The following PRKAG3 variants were observed in gnomAD, a reference collection of about 807,000 sequenced individuals.
PRKAG3 encodes the protein 5'-AMP-activated protein kinase subunit gamma-3.
PRKAG3 carries 39 observed loss-of-function variants against 56.5 expected under a neutral mutation model. That is an observed-to-expected ratio of 0.69 (90% CI 0.53 to 0.90). The LOEUF is 0.90. Among genes scored for constraint, PRKAG3 ranks in the 40% least tolerant of loss-of-function variants. PRKAG3 has a pLI of 0.00. For missense variants in PRKAG3, 628 were observed against 627.5 expected (o/e 1.00, Z -0.01); for synonymous variants, 243 against 250.1 (o/e 0.97, Z 0.27).
intron 12 of PRKAG3, 49 bp from the exon 13 acceptor site, chr2:218,823,927 C>A (rs757995488): frequency 1.0e-5 from 16 of 1,559,174 alleles, no homozygotes; most frequent in Non-Finnish European, 1.3e-5. Context: ...GGGGCTACAG[C>A]AGCTACTGAG....
intron 12 of PRKAG3, 29 bp from the exon 13 acceptor site, chr2:218,823,907 G>A (rs375701778): frequency 6.3e-7 from 1 of 1,596,190 alleles, no homozygotes; most frequent in African/African-American, 1.3e-5. Flanking sequence ...CAGTGAGGGG[G>A]CAGAGCCATG....
intron 1 of PRKAG3, 72 bp downstream of exon 1, chr2:218,831,666 A>C: frequency 6.4e-7 from 1 of 1,554,728 alleles, no homozygotes; most frequent in South Asian, 1.2e-5. Context: ...GCCCACACAC[A>C]CATTCACAGC....
Position 218,827,639 on chromosome 2 carries a change from G to C in PRKAG3, c.821-10C>G, listed in dbSNP as rs1943954718. Reference sequence around the variant, plus strand: ...CCTTGCAGGTAGATCTCTGCAGAAAGAGCCAGAGTCAGGCCAGGGGAGCCG... The same window carrying C: ...CCTTGCAGGTAGATCTCTGCAGAAACAGCCAGAGTCAGGCCAGGGGAGCCG... On this transcript the variant is annotated splice_polypyrimidine_tract_variant and intron_variant, in intron 7 of 12. Transcript: ENST00000529249. This position sits in a 1 kb window ranked among gnomAD's most constrained non-coding sequence, Gnocchi z 5.3. The C allele has an allele frequency of 6.2e-7, 1 of 1,613,944 alleles. No individual in the cohort carries two copies. The highest frequency in any genetic ancestry group is 1.7e-5 in the Admixed American group (1 of 60,026).
exon 13 of PRKAG3, chr2:218,823,857 C>T (rs1285303918): frequency 6.2e-7 from 1 of 1,614,066 alleles, no homozygotes; most frequent in South Asian, 1.1e-5. Flanking sequence ...TGGGTCTCGT[C>T]CACTAGCACC....
downstream of PRKAG3, chr2:218,823,173 C>T: frequency 1.8e-6 from 1 of 570,344 alleles, no homozygotes; most frequent in Non-Finnish European, 2.2e-6. Flanking sequence ...TAGATGGAAT[C>T]TGTGCCCATC....
chr2:218,828,468 A>T, intron 5 of PRKAG3, 51 bp downstream of exon 5: 17 of 1,460,340 alleles, frequency 1.2e-5, no homozygotes, highest in Non-Finnish European at 1.3e-5. Flanking sequence ...ACCGTACAAG[A>T]TCTCCCCCTC....
chr2:218,829,997 A>G (rs374930960), exon 4 of PRKAG3: 1 of 1,613,640 alleles, frequency 6.2e-7, no homozygotes, highest in African/African-American at 1.3e-5. Flanking sequence ...GGTGTCGAAG[A>G]TGACTAGCTT....
chr2:218,830,450 C>CCCT, intron 3 of PRKAG3, 69 bp from the exon 4 acceptor site: 1 of 1,532,088 alleles, frequency 6.5e-7, no homozygotes, highest in Non-Finnish European at 8.9e-7. Context: ...CTGCTGTCGC[C>CCCT]ATTCATCTCA....
At position 218,827,774 on chromosome 2, in the gene PRKAG3, A is replaced by G; in HGVS notation, c.820+59T>C. On this transcript the variant is annotated intron_variant, in intron 7 of 12. Coordinates refer to ENST00000529249, the Ensembl canonical transcript of PRKAG3. The surrounding 1 kb of genome is among the most constrained non-coding windows in gnomAD (Gnocchi z 5.3). ...AGGACATCCCCACTGCCCATCCTCC[A>G]CCTTAAGCCCTGGCCCACCATCACC... The G allele has an allele frequency of 1.9e-6, 3 of 1,578,980 alleles. No homozygotes were observed. The highest frequency in any genetic ancestry group is 2.6e-6 in the Non-Finnish European group (3 of 1,154,580).
chr2:218,831,250 C>G, intron 2 of PRKAG3, 86 bp downstream of exon 2: 1 of 1,061,814 alleles, frequency 9.4e-7, no homozygotes, highest in Non-Finnish European at 1.4e-6. Context: ...AAAAGCCAGG[C>G]TGGGAGGGAA....
In PRKAG3 at chr2:218,827,070, G is replaced by T; in HGVS notation, c.1026C>A (p.Ser342=). 8 of 1,613,530 alleles carry T rather than the reference G, an allele frequency of 5.0e-6. No homozygotes were observed. The highest frequency in any genetic ancestry group is 6.8e-6 in the Non-Finnish European group (8 of 1,180,042). The change falls in exon 10 of 13, where the codon TCC becomes TCA. Residue 342 remains serine, a synonymous_variant. Coordinates refer to ENST00000529249, the Ensembl canonical transcript of PRKAG3. The surrounding 1 kb of genome is among the most constrained non-coding windows in gnomAD (Gnocchi z 5.3). ...AATCTTGGATAGTGCGGTAGAGGAA[G>T]GAGGGCCGGGGCAGCAGGGAACCCT... is the stretch of plus-strand genomic sequence containing the variant.
chr2:218,831,515 C>T, intron 1 of PRKAG3, 140 bp from the exon 2 acceptor site: 1 of 977,626 alleles, frequency 1.0e-6, no homozygotes, highest in South Asian at 1.6e-5. Flanking sequence ...TGCAGCCATA[C>T]ACAAACACAC....
chr2:218,826,524 ACTC>A, intron 10 of PRKAG3: 3 of 282,510 alleles, frequency 1.1e-5, no homozygotes, highest in Non-Finnish European at 2.1e-5. Flanking sequence ...CTGTATGTAA[ACTC>A]AAACTCCTGG....
chr2:218,831,640 A>G, intron 1 of PRKAG3, 98 bp downstream of exon 1: 2 of 1,468,754 alleles, frequency 1.4e-6, no homozygotes, highest in South Asian at 1.2e-5. Context: ...CCAAACACAC[A>G]CCAGAAGACA....
rs937925939 is a variant in PRKAG3 at position 218,827,164 on chromosome 2, C to T, written c.1003-71G>A. ...CAAGAGGGCTCCCAGCTCTTCCCCA[C>T]GACTGCTAGGGCTGAAGACTCCTCA... On this transcript the variant is annotated intron_variant, in intron 9 of 12. Transcript: ENST00000529249. This position sits in a 1 kb window ranked among gnomAD's most constrained non-coding sequence, Gnocchi z 5.3. 8.1e-6 allele frequency: 13 copies of T among 1,612,856 alleles called. No individual in the cohort carries two copies. The highest frequency in any genetic ancestry group is 1.9e-4 in the Middle Eastern group (1 of 5,404).
chr2:218,826,880 C>A, intron 10 of PRKAG3, 48 bp downstream of exon 10: 1 of 1,609,064 alleles, frequency 6.2e-7, no homozygotes, highest in South Asian at 1.1e-5. Flanking sequence ...CCACCAGGTT[C>A]TCCCAGGCCC....
chr2:218,823,889 G>A lies in PRKAG3; in HGVS notation c.1354-11C>T, dbSNP rs201813568. The A allele has an allele frequency of 1.6e-4, 262 of 1,611,596 alleles. No homozygotes were observed. Among genetic ancestry groups the A allele is most frequent in the East Asian group, 1.4e-3 (63 of 44,868 alleles). ...CACCAGCCTGTGTACCTGTGGGTCCGCAATGTTCAGTGAGGGGGCAGAGCC... is the reference window on the plus strand; with the variant it reads ...CACCAGCCTGTGTACCTGTGGGTCCACAATGTTCAGTGAGGGGGCAGAGCC... On this transcript the variant is annotated splice_polypyrimidine_tract_variant and intron_variant, in intron 12 of 12. Coordinates refer to ENST00000529249, the Ensembl canonical transcript of PRKAG3.
chr2:218,830,139 C>G lies in PRKAG3; in HGVS notation c.472G>C (p.Ala158Pro), dbSNP rs1405384169. ...GGGGCCTGCGGGGACAGGCACAGGG[C>G]AGGCCTCTCTTCCAGCAGGCCTTCT... Residue 158 changes from alanine (A) to proline (P), a missense_variant, in exon 4 of 13, where the codon GCC becomes CCC. Physicochemically the swap from Ala to Pro is conservative, Grantham distance 27 (BLOSUM62 -1). Transcript: ENST00000529249. The G allele has an allele frequency of 3.1e-6, 5 of 1,613,938 alleles. No individual in the cohort carries two copies. Among genetic ancestry groups the G allele is most frequent in the Non-Finnish European group, 4.2e-6 (5 of 1,179,960 alleles).
intron 5 of PRKAG3, 65 bp downstream of exon 5, chr2:218,828,454 A>G (rs1011709283): frequency 2.0e-6 from 3 of 1,471,888 alleles, no homozygotes; most frequent in Non-Finnish European, 2.8e-6. Context: ...TCAGCCCCAG[A>G]ACAACCGTAC....
Sources: gnomAD v4.1 joint callset for allele counts on GRCh38, gnomAD v4.1.1 for gene constraint, Gnocchi (gnomAD v3.1) non-coding constraint, MANE v1.5 for transcripts, NCBI Gene and HGNC (gene_info 2026-07-23, HGNC 2026-07-21) for gene names.